Variants in ODF1 observed in about 807,000 individuals in gnomAD.
ODF1 encodes outer dense fiber of sperm tails 1.
ODF1 carries 10 observed loss-of-function variants against 24.0 expected under a neutral mutation model. That is an observed-to-expected ratio of 0.42 (90% confidence interval 0.26 to 0.71). The LOEUF (loss-of-function observed/expected upper bound fraction) is 0.71. ODF1 is among the 30% of genes least tolerant of loss of function. The pLI is 0.28. For missense variants in ODF1, 282 were observed against 307.9 expected (o/e 0.92, Z 0.63); for synonymous variants, 118 against 121.3 (o/e 0.97, Z 0.18).
At position 102,551,941 on chromosome 8, in the gene ODF1, C is replaced by T; in HGVS notation, c.214C>T (p.Pro72Ser). The T allele has an allele frequency of 6.2e-7, 1 of 1,614,134 alleles. No homozygotes were observed. The highest frequency in any genetic ancestry group is 8.5e-7 in the Non-Finnish European group (1 of 1,180,038). Reference sequence around the variant, plus strand: ...CTCTTGCGGCCTGTGTGATCTCTACCCATGTTGCCTGTGTGATTATAAGCT... The same window carrying T: ...CTCTTGCGGCCTGTGTGATCTCTACTCATGTTGCCTGTGTGATTATAAGCT... ...SRSCGLCDLY[P>S]CCLCDYKLYC... Residue 72 changes from proline to serine, a missense_variant, in exon 1 of 2, where the codon CCA becomes TCA. Coordinates refer to ENST00000285402, the MANE Select transcript of ODF1 (RefSeq NM_024410.4).
intron 1 of ODF1, 50 bp downstream of exon 1, chr8:102,552,097 AGTTG>A: frequency 7.5e-7 from 1 of 1,339,676 alleles, no homozygotes. Context: ...TAGCCTTATA[AGTTG>A]GAATAAGGAA....
At chr8:102,553,654 G>A (rs1302492842) in intron 1 of ODF1, among the ~76,000 whole-genome samples, 2 of 152,184 alleles carry the variant, frequency 1.3e-5, no homozygotes, top group East Asian at 1.9e-4. Context: ...CCCTTGTCCA[G>A]GTCTTTCCAG....
intron 1 of ODF1, among the ~76,000 whole-genome samples, chr8:102,559,029 G>A (rs1334772116): frequency 6.8e-6 from 1 of 146,336 alleles, no homozygotes; most frequent in Non-Finnish European, 1.5e-5. Context: ...AACATGCTTA[G>A]CACCTTCCAC....
rs554276108 is a variant in ODF1, at chr8:102,558,907, T to C, written c.321-1545T>C. ...TTCTACAATGAACTTGTATAACTTA[T>C]GTAACAAAAAGAAGTAACTGCATAA... On this transcript the variant is annotated intron_variant, in intron 1 of 1. Transcript: ENST00000285402. Among the ~76,000 whole-genome samples, 77 of 151,656 alleles carry C rather than the reference T, an allele frequency of 5.1e-4. 3 individuals carry two copies. Among genetic ancestry groups the C allele is most frequent in the African/African-American group, 1.9e-3 (76 of 40,984 alleles).
chr8:102,553,008 A>ATAGT (rs76898985), intron 1 of ODF1, among the ~76,000 whole-genome samples: 29,195 of 113,156 alleles, frequency 0.26, 3,361 homozygotes, highest in South Asian at 0.36. Flanking sequence ...AGATAGATAG[A>ATAGT]TAGATAGATG....
chr8:102,559,157 T>G (rs1033399567), intron 1 of ODF1, among the ~76,000 whole-genome samples: 2 of 151,488 alleles, frequency 1.3e-5, no homozygotes, highest in African/African-American at 4.9e-5. Flanking sequence ...CCCTATGATG[T>G]AGGCTATTTT....
At chr8:102,557,454 A>G (rs1826126021) in intron 1 of ODF1, among the ~76,000 whole-genome samples, 1 of 152,256 alleles carries the variant, frequency 6.6e-6, no homozygotes. Flanking sequence ...TCCTGAAGAC[A>G]TTTGTGAGAT....
intron 1 of ODF1, among the ~76,000 whole-genome samples, chr8:102,554,917 C>T (rs1467730116): frequency 6.6e-6 from 1 of 152,072 alleles, no homozygotes; most frequent in East Asian, 1.9e-4. Flanking sequence ...ATGATTATGC[C>T]ACTACACTCC....
At chr8:102,554,642 C>T (rs1285216983) in intron 1 of ODF1, among the ~76,000 whole-genome samples, 4 of 152,182 alleles carry the variant, frequency 2.6e-5, no homozygotes, top group African/African-American at 9.7e-5. Flanking sequence ...GTGGTGTTTT[C>T]TTAGACTGGG....
At chr8:102,559,031 A>ACCTT (rs1313183922) in intron 1 of ODF1, among the ~76,000 whole-genome samples, 1 of 147,932 alleles carries the variant, frequency 6.8e-6, no homozygotes, top group African/African-American at 2.6e-5. Flanking sequence ...CATGCTTAGC[A>ACCTT]CCTTCCACAG....
chr8:102,552,647 T>C (rs1162963186), intron 1 of ODF1, among the ~76,000 whole-genome samples: 1 of 152,208 alleles, frequency 6.6e-6, no homozygotes, highest in Non-Finnish European at 1.5e-5. Context: ...AAATAAACTA[T>C]GGCACTGAGT....
intron 1 of ODF1, among the ~76,000 whole-genome samples, chr8:102,557,082 G>A (rs1826120555): frequency 6.6e-6 from 1 of 152,122 alleles, no homozygotes; most frequent in African/African-American, 2.4e-5. Context: ...GGGAGGAGAG[G>A]AGGCCGCACA....
At chr8:102,557,855 G>C (rs919888294) in intron 1 of ODF1, among the ~76,000 whole-genome samples, 1 of 152,220 alleles carries the variant, frequency 6.6e-6, no homozygotes, top group Middle Eastern at 3.2e-3. Context: ...GGCCCAGAGA[G>C]TGCCCATCTT....
At chr8:102,557,157 A>G (rs1438567461) in intron 1 of ODF1, among the ~76,000 whole-genome samples, 1 of 152,130 alleles carries the variant, frequency 6.6e-6, no homozygotes, top group East Asian at 1.9e-4. Flanking sequence ...GGCTTCTGCA[A>G]AGGAGCTGAT....
intron 1 of ODF1, among the ~76,000 whole-genome samples, chr8:102,555,741 A>G (rs1826103668): frequency 6.6e-6 from 1 of 152,208 alleles, no homozygotes; most frequent in African/African-American, 2.4e-5. Context: ...TCGGAGTATA[A>G]GTGAGCCCTA....
chr8:102,553,582 G>A (rs1430611527), intron 1 of ODF1, among the ~76,000 whole-genome samples: 1 of 152,170 alleles, frequency 6.6e-6, no homozygotes, highest in East Asian at 1.9e-4. Context: ...TTTGGTCCAA[G>A]TTAAGGTTTC....
chr8:102,553,008 A>ATAGATAGT (rs375214018), intron 1 of ODF1, among the ~76,000 whole-genome samples: 3,163 of 113,238 alleles, frequency 0.028, 49 homozygotes, highest in South Asian at 0.079. Flanking sequence ...AGATAGATAG[A>ATAGATAGT]TAGATAGATG....
At chr8:102,560,168 G>A (rs1346299067) in intron 1 of ODF1, among the ~76,000 whole-genome samples, 1 of 151,348 alleles carries the variant, frequency 6.6e-6, no homozygotes, top group African/African-American at 2.5e-5. Context: ...ACCTACACAA[G>A]GATCAATAAT....
chr8:102,551,720 T>A lies in ODF1; in HGVS notation c.-8T>A. ...AAGGTACTCACAGAACAATCAGGTG[T>A]GACCATAATGGCTGCACTGAGTTGT... On this transcript the variant is annotated 5_prime_UTR_variant, in exon 1 of 2. Coordinates refer to ENST00000285402, the MANE Select transcript of ODF1 (RefSeq NM_024410.4). 1.3e-6 allele frequency: 2 copies of A among 1,575,196 alleles called. No homozygotes were observed. Among genetic ancestry groups the A allele is most frequent in the South Asian group, 2.4e-5 (2 of 85,094 alleles).
Sources: gnomAD v4.1 joint callset for allele counts (sites outside exome capture counted in the v4.1 genomes callset) on GRCh38, gnomAD v4.1.1 for gene constraint, MANE v1.5 for transcripts, NCBI Gene and HGNC (gene_info 2026-07-23, HGNC 2026-07-21) for gene names.